The following ADAMTS12 variants were observed in gnomAD, a reference collection of about 807,000 sequenced individuals.
ADAMTS12 encodes the protein A disintegrin and metalloproteinase with thrombospondin motifs 12.
A neutral mutation model predicts 167.8 loss-of-function variants in ADAMTS12; 118 were observed. That is an observed-to-expected ratio of 0.70 (90% CI 0.61 to 0.82). The LOEUF is 0.82. Among genes scored for constraint, ADAMTS12 ranks in the 40% least tolerant of loss-of-function variants. ADAMTS12 has a pLI of 0.00. For missense variants in ADAMTS12, 1,916 were observed against 1,998.8 expected, an observed-to-expected ratio of 0.96 and a Z score of 0.79; for synonymous variants, 704 against 716.9, an observed-to-expected ratio of 0.98 and a Z score of 0.29.
intron 2 of ADAMTS12, among the ~76,000 whole-genome samples, chr5:33,757,183 T>A (rs903065212): frequency 1.3e-5 from 2 of 152,148 alleles, no homozygotes; most frequent in Admixed American, 6.5e-5. Context: ...ACTGCAAAAA[T>A]GTGACCTACT....
intron 2 of ADAMTS12, among the ~76,000 whole-genome samples, chr5:33,756,802 A>G (rs1745187164): frequency 6.6e-6 from 1 of 152,222 alleles, no homozygotes. Flanking sequence ...CCAAGCAGGT[A>G]TCAGGGATAC....
At chr5:33,714,946 A>C (rs1379289184) in intron 3 of ADAMTS12, among the ~76,000 whole-genome samples, 4 of 152,116 alleles carry the variant, frequency 2.6e-5, no homozygotes, top group Admixed American at 1.3e-4. Context: ...CTAAATGAAA[A>C]GTTTTGAAAC....
At chr5:33,719,630 C>A (rs1029332578) in intron 3 of ADAMTS12, among the ~76,000 whole-genome samples, 1 of 152,202 alleles carries the variant, frequency 6.6e-6, no homozygotes, top group Non-Finnish European at 1.5e-5. Flanking sequence ...TAAGGGGGTT[C>A]ATCCTGCCAA....
intron 2 of ADAMTS12, among the ~76,000 whole-genome samples, chr5:33,876,622 G>A (rs1303469912): frequency 3.3e-5 from 5 of 152,156 alleles, no homozygotes; most frequent in African/African-American, 7.2e-5. Context: ...GGGGAGGGAG[G>A]AGAACCTCTA....
chr5:33,643,263 C>T, intron 10 of ADAMTS12, 115 bp downstream of exon 10: 1 of 998,048 alleles, frequency 1.0e-6, no homozygotes, highest in Non-Finnish European at 1.5e-6. Flanking sequence ...GACTGTTTGA[C>T]CTCCATCCAC....
At chr5:33,586,071 TGATGAAAATGACAAATGCA>T (rs1247408839) in intron 18 of ADAMTS12, among the ~76,000 whole-genome samples, 2 of 152,104 alleles carry the variant, frequency 1.3e-5, no homozygotes, top group Non-Finnish European at 2.9e-5. Flanking sequence ...CCATCCAGGG[TGATGAAAATGACAAATGCA>T]GATGAAAATG....
intron 3 of ADAMTS12, among the ~76,000 whole-genome samples, chr5:33,686,659 T>A (rs903360935): frequency 1.3e-5 from 2 of 151,586 alleles, no homozygotes. Context: ...GCCCCCATCA[T>A]GGGATTAGTG....
chr5:33,729,959 G>A (rs906744378), intron 3 of ADAMTS12, among the ~76,000 whole-genome samples: 1 of 152,190 alleles, frequency 6.6e-6, no homozygotes, highest in African/African-American at 2.4e-5. Context: ...TCCAAATATA[G>A]TAATGATTAA....
chr5:33,631,880 G>C (rs1739956257), intron 12 of ADAMTS12, among the ~76,000 whole-genome samples: 1 of 152,166 alleles, frequency 6.6e-6, no homozygotes, highest in Non-Finnish European at 1.5e-5. Flanking sequence ...TGTGTGATCA[G>C]CTGAGGACTC....
intron 2 of ADAMTS12, 32 bp downstream of exon 2, chr5:33,881,087 C>A: frequency 1.9e-6 from 3 of 1,602,842 alleles, no homozygotes; most frequent in South Asian, 2.2e-5. Flanking sequence ...GGGGCCAGGG[C>A]AGAGGAAGGA....
At chr5:33,716,516 G>T (rs77672241) in intron 3 of ADAMTS12, among the ~76,000 whole-genome samples, 9,320 of 151,984 alleles carry the variant, frequency 0.061, 495 homozygotes, top group East Asian at 0.18. Context: ...TTATTTTGGT[G>T]TTTCCCTCGC....
At chr5:33,584,360 A>G (rs1346017906) in intron 18 of ADAMTS12, among the ~76,000 whole-genome samples, 1 of 151,970 alleles carries the variant, frequency 6.6e-6, no homozygotes, top group African/African-American at 2.4e-5. Context: ...GCAATGCATG[A>G]GGTTTTTTTT....
chr5:33,636,163 T>C (rs113520917), intron 12 of ADAMTS12, among the ~76,000 whole-genome samples: 2 of 152,274 alleles, frequency 1.3e-5, no homozygotes, highest in African/African-American at 2.4e-5. Flanking sequence ...CAGGGTTAGA[T>C]AGACACAAAT....
At chr5:33,840,399 G>A (rs1200946441) in intron 2 of ADAMTS12, 3 of 152,116 alleles carry the variant, frequency 2.0e-5, no homozygotes, top group Non-Finnish European at 4.4e-5. Flanking sequence ...AATTAACCAT[G>A]GCATGTTGGT....
intron 8 of ADAMTS12, 49 bp from the exon 9 acceptor site, chr5:33,649,015 A>G (rs1406656957): frequency 6.3e-7 from 1 of 1,595,608 alleles, no homozygotes; most frequent in South Asian, 1.1e-5. Context: ...GATTCCCTTT[A>G]CCTTCAGCCT....
intron 3 of ADAMTS12, among the ~76,000 whole-genome samples, chr5:33,740,804 C>G (rs751379209): frequency 1.3e-5 from 2 of 152,106 alleles, no homozygotes; most frequent in African/African-American, 4.8e-5. Flanking sequence ...GCCAGGGAAC[C>G]AAGGGGCCAG....
chr5:33,879,391 A>C (rs536597142), intron 2 of ADAMTS12, among the ~76,000 whole-genome samples: 1 of 152,266 alleles, frequency 6.6e-6, no homozygotes, highest in East Asian at 1.9e-4. Context: ...ATCATCCAGA[A>C]CTTTCTCCAG....
chr5:33,662,860 G>C lies in ADAMTS12; in HGVS notation c.916-820C>G, dbSNP rs141263224. On this transcript the variant is annotated intron_variant, in intron 5 of 23. Transcript: ENST00000504830. ...CTCATTTCTTTGGGGCCTCCACATA[G>C]AGCCATCCCTGGTACAGGATGGATT... Among the ~76,000 whole-genome samples the C allele has an allele frequency of 2.3e-3, 356 of 152,332 alleles. 3 individuals carry two copies. The highest frequency in any genetic ancestry group is 8.1e-3 in the African/African-American group (338 of 41,568).
chr5:33,661,571 A>G (rs1407737092), intron 6 of ADAMTS12, among the ~76,000 whole-genome samples: 1 of 152,236 alleles, frequency 6.6e-6, no homozygotes, highest in Non-Finnish European at 1.5e-5. Flanking sequence ...GTTAAAAGTA[A>G]CAAGAGTCTT....
Sources: allele counts gnomAD v4.1 joint callset (sites outside exome capture counted in the v4.1 genomes callset), GRCh38; gene constraint gnomAD v4.1.1; transcripts MANE v1.5; gene names NCBI Gene and HGNC (gene_info 2026-07-23, HGNC 2026-07-21).